The following SLC8A1 variants were observed in gnomAD, a reference collection of about 807,000 sequenced individuals.
SLC8A1 encodes sodium/calcium exchanger 1.
A neutral mutation model predicts 68.3 loss-of-function variants in SLC8A1; 18 were observed. That is an observed-to-expected ratio of 0.26 (90% CI 0.18 to 0.39). The LOEUF is 0.39. Among genes scored for constraint, SLC8A1 ranks in the 10% least tolerant of loss-of-function variants. SLC8A1 has a pLI of 1.00. For synonymous variants in SLC8A1, 475 were observed against 415.5 expected (o/e 1.14, Z -1.74); for missense variants, 985 against 1,156.7 (o/e 0.85, Z 2.15).
intron 2 of SLC8A1, among the ~76,000 whole-genome samples, chr2:40,409,040 G>T (rs6726855): frequency 0.27 from 40,656 of 151,986 alleles, 5,725 homozygotes; most frequent in Admixed American, 0.33. Context: ...TGTAAATATT[G>T]TTTTTGACAT....
At chr2:40,227,481 C>T (rs1013742957) in intron 2 of SLC8A1, among the ~76,000 whole-genome samples, 10 of 152,012 alleles carry the variant, frequency 6.6e-5, no homozygotes, top group Admixed American at 3.3e-4. Context: ...AAACCAAATA[C>T]GACGTGTTCT....
chr2:40,245,991 G>T (rs2061816256), intron 2 of SLC8A1, among the ~76,000 whole-genome samples: 1 of 152,196 alleles, frequency 6.6e-6, no homozygotes, highest in Non-Finnish European at 1.5e-5. Context: ...CCATCTCAGA[G>T]ACCTATGATG....
chr2:40,451,250 G>C (rs1186617452), intron 1 of SLC8A1, among the ~76,000 whole-genome samples: 3 of 152,132 alleles, frequency 2.0e-5, no homozygotes, highest in African/African-American at 7.2e-5. Flanking sequence ...ATGCCTGTGT[G>C]TGCAGAATCC....
intron 2 of SLC8A1, among the ~76,000 whole-genome samples, chr2:40,374,911 C>T (rs1216989206): frequency 6.6e-6 from 1 of 152,084 alleles, no homozygotes; most frequent in Non-Finnish European, 1.5e-5. Context: ...TCAATATCCA[C>T]TAAAAAGGAG....
At chr2:40,491,918 C>T (rs897134549) in intron 1 of SLC8A1, among the ~76,000 whole-genome samples, 1 of 152,020 alleles carries the variant, frequency 6.6e-6, no homozygotes. Context: ...GGCCATACTG[C>T]CAAGGTAATT....
chr2:40,186,304 G>A (rs1016253182), intron 2 of SLC8A1, among the ~76,000 whole-genome samples: 2 of 152,178 alleles, frequency 1.3e-5, no homozygotes, highest in Non-Finnish European at 2.9e-5. Context: ...AGGAGATGAT[G>A]AGCTTGCCAT....
chr2:40,269,786 T>G (rs528928937), intron 2 of SLC8A1, among the ~76,000 whole-genome samples: 122 of 94,962 alleles, frequency 1.3e-3, no homozygotes, highest in African/African-American at 4.1e-3. Flanking sequence ...ACTGTTGCTG[T>G]TTTTTTTTTC....
chr2:40,495,082 TTGTAGTC>T (rs1705605179), intron 1 of SLC8A1, among the ~76,000 whole-genome samples: 1 of 151,948 alleles, frequency 6.6e-6, no homozygotes, highest in South Asian at 2.1e-4. Context: ...TTTGTCAACT[TTGTAGTC>T]TGTGTACTTT....
chr2:40,295,786 CTT>C (rs1305102069), intron 2 of SLC8A1, among the ~76,000 whole-genome samples: 1 of 152,178 alleles, frequency 6.6e-6, no homozygotes, highest in Non-Finnish European at 1.5e-5. Context: ...AACACCAACT[CTT>C]GACTCTCAGA....
chr2:40,314,274 T>C (rs1224527982), intron 2 of SLC8A1, among the ~76,000 whole-genome samples: 1 of 152,040 alleles, frequency 6.6e-6, no homozygotes, highest in Non-Finnish European at 1.5e-5. Context: ...GTATTTTTGT[T>C]AGAATAACAA....
At chr2:40,167,849 A>T (rs956610233) in intron 4 of SLC8A1, among the ~76,000 whole-genome samples, 1 of 152,158 alleles carries the variant, frequency 6.6e-6, no homozygotes, top group Non-Finnish European at 1.5e-5. Context: ...CTGTTTTTAA[A>T]TTTTTTAATT....
intron 2 of SLC8A1, among the ~76,000 whole-genome samples, chr2:40,211,228 T>G (rs1045592557): frequency 1.3e-5 from 2 of 152,230 alleles, no homozygotes; most frequent in Admixed American, 6.5e-5. Context: ...GATCTGAAAC[T>G]CATGTACGTT....
At chr2:40,158,733 A>G (rs918211333) in intron 6 of SLC8A1, among the ~76,000 whole-genome samples, 1 of 152,090 alleles carries the variant, frequency 6.6e-6, no homozygotes. Flanking sequence ...TAGATATAGG[A>G]TCTAAGGTCT....
chr2:40,481,250 T>C (rs1704611626), intron 1 of SLC8A1, among the ~76,000 whole-genome samples: 1 of 152,222 alleles, frequency 6.6e-6, no homozygotes, highest in Admixed American at 6.5e-5. Context: ...TTCTGTGGCA[T>C]ATCTTACTAT....
intron 2 of SLC8A1, among the ~76,000 whole-genome samples, chr2:40,401,353 A>C (rs1047471098): frequency 2.6e-5 from 4 of 152,082 alleles, no homozygotes; most frequent in Non-Finnish European, 5.9e-5. Context: ...TCTTTACCCA[A>C]CTTGGACTGT....
At chr2:40,335,040 C>T (rs576136445) in intron 2 of SLC8A1, among the ~76,000 whole-genome samples, 1 of 152,260 alleles carries the variant, frequency 6.6e-6, no homozygotes, top group East Asian at 1.9e-4. Context: ...TCTCATTCTC[C>T]AAAGAGGTCA....
At chr2:40,360,892 T>C (rs1439815610) in intron 2 of SLC8A1, among the ~76,000 whole-genome samples, 1 of 152,104 alleles carries the variant, frequency 6.6e-6, no homozygotes, top group Non-Finnish European at 1.5e-5. Context: ...CTTGTAAATC[T>C]AGAAAATCAT....
chr2:40,322,551 C>CT (rs1404911071), intron 2 of SLC8A1, among the ~76,000 whole-genome samples: 3 of 149,970 alleles, frequency 2.0e-5, no homozygotes, highest in African/African-American at 7.4e-5. Context: ...TGGTGCACAC[C>CT]TTTAGTACCA....
intron 2 of SLC8A1, among the ~76,000 whole-genome samples, chr2:40,234,114 A>C (rs2148915062): frequency 6.6e-6 from 1 of 152,246 alleles, no homozygotes; most frequent in East Asian, 1.9e-4. Flanking sequence ...ACTTTAAAGT[A>C]CTTTTTTCCA....
Sources: allele counts gnomAD v4.1 joint callset (sites outside exome capture counted in the v4.1 genomes callset), GRCh38; gene constraint gnomAD v4.1.1; transcripts MANE v1.5; gene names NCBI Gene and HGNC (gene_info 2026-07-23, HGNC 2026-07-21).